GLI3: variants seen among roughly 807,000 people sequenced by gnomAD.
GLI3 encodes transcription activator GLI3.
GLI3 carries 20 observed loss-of-function variants against 100.8 expected under a neutral mutation model. The observed-to-expected ratio is 0.20, with a 90% CI of 0.14 to 0.29. The LOEUF (loss-of-function observed/expected upper bound fraction) is 0.29, where lower values mean the gene tolerates loss of function less well. GLI3 is among the 10% of genes least tolerant of loss of function. The probability of loss-of-function intolerance (pLI) is 1.00; values close to 1 mark genes in which losing one functional copy is unlikely to be tolerated. For synonymous variants in GLI3, 938 were observed against 860.5 expected (o/e 1.09, Z -1.58); for missense variants, 2,040 against 2,128.5 (o/e 0.96, Z 0.82).
intron 3 of GLI3, among the ~76,000 whole-genome samples, chr7:42,097,607 T>C (rs1271444358): frequency 6.6e-6 from 1 of 152,224 alleles, no homozygotes; most frequent in Non-Finnish European, 1.5e-5. Context: ...TAGACATTAC[T>C]TGGCAAACAG....
intron 7 of GLI3, among the ~76,000 whole-genome samples, chr7:42,028,622 G>A (rs846287): frequency 0.62 from 94,550 of 151,776 alleles, 31,257 homozygotes; most frequent in African/African-American, 0.86. Context: ...AAATTAGCCA[G>A]GCGTGATGGC....
At chr7:41,993,984 TGAAAA>T (rs368383381) in intron 10 of GLI3, among the ~76,000 whole-genome samples, 153 of 152,298 alleles carry the variant, frequency 1.0e-3, no homozygotes, top group African/African-American at 3.4e-3. Context: ...TTGTTATAAA[TGAAAA>T]GAATTTTAAA....
At chr7:42,115,581 C>T (rs1441572726) in intron 3 of GLI3, among the ~76,000 whole-genome samples, 2 of 152,146 alleles carry the variant, frequency 1.3e-5, no homozygotes, top group African/African-American at 2.4e-5. Context: ...GTCAGGCCCC[C>T]GGGCTGCTAT....
intron 10 of GLI3, among the ~76,000 whole-genome samples, chr7:41,984,917 ATC>A (rs1334655657): frequency 6.6e-6 from 1 of 152,274 alleles, no homozygotes; most frequent in Non-Finnish European, 1.5e-5. Context: ...AATACATATG[ATC>A]TCTCTCACAT....
At chr7:42,070,195 A>T (rs6966146) in intron 4 of GLI3, among the ~76,000 whole-genome samples, 15,707 of 152,248 alleles carry the variant, frequency 0.1, 1,823 homozygotes, top group African/African-American at 0.29. Flanking sequence ...GTTCTATTGT[A>T]TAGTGTCATA....
rs1787080630 is a variant in GLI3, at chr7:41,964,003, AAAG to A, written c.*324_*326del. The A allele has an allele frequency of 4.3e-6, 1 of 232,552 alleles. No homozygotes were observed. Among genetic ancestry groups the A allele is most frequent in the Admixed American group, 5.2e-5 (1 of 19,364 alleles). 14.4% of individuals were successfully genotyped at this position (232,552 alleles called of 1,614,324 possible). A position where few individuals can be genotyped will look rare whatever the true frequency, so the allele number is the denominator to read the frequency against. On this transcript the variant is annotated 3_prime_UTR_variant, in exon 15 of 15. Coordinates refer to ENST00000395925, the MANE Select transcript of GLI3 (RefSeq NM_000168.6). ...TTTAATTTGACTGCTCTTCTAAAAG[AAAG>A]AAGAATATGCACATCACAAATTTAC...
At chr7:42,012,753 C>A (rs1265678856) in intron 10 of GLI3, among the ~76,000 whole-genome samples, 1 of 152,152 alleles carries the variant, frequency 6.6e-6, no homozygotes, top group Non-Finnish European at 1.5e-5. Flanking sequence ...ACTGAGATTC[C>A]AGTGAAGTTT....
chr7:42,098,241 CATT>C (rs1785384108), intron 3 of GLI3, among the ~76,000 whole-genome samples: 1 of 152,094 alleles, frequency 6.6e-6, no homozygotes, highest in African/African-American at 2.4e-5. Flanking sequence ...AACAAATTCT[CATT>C]ATTAGACCAT....
intron 3 of GLI3, among the ~76,000 whole-genome samples, chr7:42,094,951 C>G (rs562947989): frequency 6.6e-6 from 1 of 152,258 alleles, no homozygotes; most frequent in Admixed American, 6.5e-5. Flanking sequence ...CATGAGGGAG[C>G]AGTGGGCAGA....
chr7:42,018,557 G>C (rs1788837796), intron 10 of GLI3, among the ~76,000 whole-genome samples: 1 of 152,134 alleles, frequency 6.6e-6, no homozygotes, highest in Non-Finnish European at 1.5e-5. Flanking sequence ...CGTTTCTACA[G>C]ACACATCAAT....
In GLI3 at chr7:41,966,192, C is replaced by T. The variant is rs745986297; in HGVS notation, c.2881G>A (p.Gly961Arg). The T allele has an allele frequency of 4.4e-6, 7 of 1,604,934 alleles. No homozygotes were observed. Among genetic ancestry groups the T allele is most frequent in the East Asian group, 4.5e-5 (2 of 44,656 alleles). ...MSLKTRLALL[G>R]DALEPGVALP... is the part of the protein sequence containing the mutation. ...GCCACGCCAGGCTCGAGGGCATCCC[C>T]GAGCAGCGCCAGGCGCGTCTTCAGG... is the stretch of plus-strand genomic sequence containing the variant. The change falls in exon 15 of 15, where the codon GGG (glycine) becomes AGG (arginine). Residue 961 changes from glycine (G) to arginine (R), a missense_variant. Gly to Arg is a moderately radical substitution (Grantham distance 125). Coordinates refer to ENST00000395925, the MANE Select transcript of GLI3 (RefSeq NM_000168.6). The surrounding 1 kb of genome is among the most constrained non-coding windows in gnomAD (Gnocchi z 5.8).
intron 1 of GLI3, among the ~76,000 whole-genome samples, chr7:42,247,887 C>A (rs970821655): frequency 6.6e-6 from 1 of 152,202 alleles, no homozygotes; most frequent in Non-Finnish European, 1.5e-5. Context: ...AGTGGCAATG[C>A]AGAATAAAAT....
intron 4 of GLI3, among the ~76,000 whole-genome samples, chr7:42,073,064 G>A (rs1784814391): frequency 6.6e-6 from 1 of 152,166 alleles, no homozygotes; most frequent in African/African-American, 2.4e-5. Flanking sequence ...TGCAGGAATT[G>A]TACATTTTAT....
intron 12 of GLI3, among the ~76,000 whole-genome samples, 197 bp downstream of exon 12, chr7:41,977,361 C>G (rs1028352963): frequency 1.3e-5 from 2 of 152,214 alleles, no homozygotes; most frequent in African/African-American, 4.8e-5. Context: ...CTCCTCATCT[C>G]TTATTATTCT....
rs564652788 is a variant in GLI3, at chr7:42,145,638, A to G, written c.367+2588T>C. The G allele has an allele frequency of 1.5e-5, 6 of 395,970 alleles. 1 individual carries two copies. In the South Asian group the frequency reaches 7.8e-4, roughly 51 times the overall value. The allele number at this position is 395,970 out of a possible 1,614,324, so 24.5% of individuals were successfully genotyped here. On this transcript the variant is annotated intron_variant, in intron 3 of 14. Coordinates refer to ENST00000395925, the MANE Select transcript of GLI3 (RefSeq NM_000168.6). ...AGAAAGAAAGAAAAAAAAAAAAAAC[A>G]GTCTACACTGAATCAAATACAAGTG...
rs549569881 is a variant in GLI3 at position 42,020,220 on chromosome 7, A to T, written c.1497+3248T>A. On this transcript the variant is annotated intron_variant, in intron 10 of 14. Coordinates refer to ENST00000395925, the MANE Select transcript of GLI3 (RefSeq NM_000168.6). ...ATCAGACTACCTGGCGGGCAAAGTC[A>T]GCCAAGTTTCTAATTCTCTTCTTCA... is the stretch of plus-strand genomic sequence containing the variant. Among the ~76,000 whole-genome samples the T allele has an allele frequency of 4.6e-5, 7 of 152,370 alleles. No individual in the cohort carries two copies. In the South Asian group the frequency reaches 8.3e-4, roughly 18 times the overall value.
intron 4 of GLI3, among the ~76,000 whole-genome samples, chr7:42,073,537 T>C (rs1440570357): frequency 2.0e-5 from 3 of 152,266 alleles, no homozygotes; most frequent in African/African-American, 7.2e-5. Context: ...AATTTAATTC[T>C]GCACCATATC....
At chr7:42,230,109 G>GA (rs914878425) in intron 1 of GLI3, among the ~76,000 whole-genome samples, 1 of 113,942 alleles carries the variant, frequency 8.8e-6, no homozygotes, top group Non-Finnish European at 1.8e-5. Flanking sequence ...GGGGGGGGGG[G>GA]GGGTGGAAAG....
At chr7:42,200,837 G>C (rs1167730740) in intron 2 of GLI3, among the ~76,000 whole-genome samples, 1 of 152,140 alleles carries the variant, frequency 6.6e-6, no homozygotes, top group East Asian at 1.9e-4. Flanking sequence ...ATGTGGATTG[G>C]TTAAACCTGA....
Sources: gnomAD v4.1 joint callset for allele counts (sites outside exome capture counted in the v4.1 genomes callset) on GRCh38, gnomAD v4.1.1 for gene constraint, Gnocchi (gnomAD v3.1) non-coding constraint, MANE v1.5 for transcripts, NCBI Gene and HGNC (gene_info 2026-07-23, HGNC 2026-07-21) for gene names.